Variants in DLG2 observed in about 807,000 individuals in gnomAD.
The protein encoded by DLG2 is disks large homolog 2.
DLG2 carries 45 observed loss-of-function variants against 132.5 expected under a neutral mutation model. The ratio of observed to expected loss-of-function variants is 0.34; its 90% confidence interval spans 0.27 to 0.44. DLG2 has a LOEUF of 0.44. Among genes scored for constraint, DLG2 ranks in the 20% least tolerant of loss-of-function variants. The probability of loss-of-function intolerance (pLI) is 1.00; values close to 1 mark genes in which losing one functional copy is unlikely to be tolerated. For synonymous variants in DLG2, 424 were observed against 419.6 expected, an observed-to-expected ratio of 1.01 and a Z score of -0.13; for missense variants, 1,045 against 1,196.9, an observed-to-expected ratio of 0.87 and a Z score of 1.87.
intron 6 of DLG2, among the ~76,000 whole-genome samples, chr11:85,009,910 T>C (rs7933800): frequency 0.015 from 2,215 of 152,198 alleles, 51 homozygotes; most frequent in African/African-American, 0.05. Flanking sequence ...TGTAAATGCA[T>C]CTATGCTTTG....
intron 18 of DLG2, among the ~76,000 whole-genome samples, chr11:83,734,167 G>A (rs781571439): frequency 2.6e-5 from 4 of 151,842 alleles, no homozygotes; most frequent in Admixed American, 1.3e-4. Flanking sequence ...CTCTCTATAT[G>A]TATCACATTT....
intron 3 of DLG2, among the ~76,000 whole-genome samples, chr11:85,352,818 C>A (rs764413963): frequency 2.0e-5 from 3 of 152,152 alleles, no homozygotes; most frequent in Non-Finnish European, 2.9e-5. Context: ...CTTCCTTACA[C>A]CTTGTACAAA....
At chr11:84,420,466 T>C (rs556697655) in intron 7 of DLG2, among the ~76,000 whole-genome samples, 2 of 152,124 alleles carry the variant, frequency 1.3e-5, no homozygotes, top group East Asian at 3.9e-4. Flanking sequence ...AAACAGCTGG[T>C]TCACTTTATT....
At chr11:84,591,323 T>G (rs549980158) in intron 6 of DLG2, among the ~76,000 whole-genome samples, 72 of 151,742 alleles carry the variant, frequency 4.7e-4, no homozygotes, top group South Asian at 8.3e-4. Flanking sequence ...TGTTTTTTTT[T>G]TTTTGTTTTG....
intron 7 of DLG2, among the ~76,000 whole-genome samples, chr11:84,353,681 C>T (rs1329641707): frequency 1.3e-5 from 2 of 151,982 alleles, no homozygotes; most frequent in African/African-American, 4.8e-5. Flanking sequence ...TAATGTTATC[C>T]TCAAGGTCAT....
At chr11:84,360,300 A>G (rs2098642313) in intron 7 of DLG2, among the ~76,000 whole-genome samples, 1 of 151,898 alleles carries the variant, frequency 6.6e-6, no homozygotes, top group African/African-American at 2.4e-5. Flanking sequence ...AATCAAGGGA[A>G]TAGAAAAGAA....
chr11:84,427,580 C>G (rs917038883), intron 7 of DLG2, among the ~76,000 whole-genome samples: 9 of 152,132 alleles, frequency 5.9e-5, no homozygotes, highest in Non-Finnish European at 1.5e-5. Flanking sequence ...ATAGGAAAGT[C>G]AGTCCTATGC....
intron 27 of DLG2, among the ~76,000 whole-genome samples, chr11:83,461,088 G>A (rs1328091833): frequency 1.4e-5 from 2 of 143,284 alleles, no homozygotes; most frequent in African/African-American, 5.3e-5. Context: ...GGCTCACTGC[G>A]ACCTCCACCT....
intron 7 of DLG2, among the ~76,000 whole-genome samples, chr11:84,283,134 T>C (rs2097869948): frequency 6.6e-6 from 1 of 152,226 alleles, no homozygotes; most frequent in Non-Finnish European, 1.5e-5. Flanking sequence ...GCCTACATCA[T>C]TGTAATATTG....
chr11:85,151,658 T>C (rs560812577), intron 5 of DLG2, among the ~76,000 whole-genome samples: 2 of 152,354 alleles, frequency 1.3e-5, no homozygotes, highest in African/African-American at 2.4e-5. Flanking sequence ...CTTTCCCCAG[T>C]GGTAGTCCTA....
chr11:84,229,096 G>C (rs889171157), intron 8 of DLG2, among the ~76,000 whole-genome samples: 3 of 152,106 alleles, frequency 2.0e-5, no homozygotes, highest in Non-Finnish European at 4.4e-5. Flanking sequence ...AAATAACTGA[G>C]AGACAAAATG....
At chr11:84,431,075 T>C (rs1297866070) in intron 7 of DLG2, among the ~76,000 whole-genome samples, 5 of 152,216 alleles carry the variant, frequency 3.3e-5, no homozygotes, top group Admixed American at 2.0e-4. Context: ...ACACTACTTA[T>C]GCCTGAGATA....
intron 19 of DLG2, among the ~76,000 whole-genome samples, chr11:83,589,044 G>C (rs2153276796): frequency 6.8e-6 from 1 of 146,932 alleles, no homozygotes; most frequent in South Asian, 2.3e-4. Flanking sequence ...GGGGAGAATG[G>C]AACCAAGTTG....
intron 6 of DLG2, among the ~76,000 whole-genome samples, chr11:84,782,631 T>C (rs970596623): frequency 6.6e-6 from 1 of 152,306 alleles, no homozygotes; most frequent in Non-Finnish European, 1.5e-5. Context: ...TTGCCACCTA[T>C]GAGAACTTGA....
chr11:85,331,773 T>C (rs991461198), intron 3 of DLG2, among the ~76,000 whole-genome samples: 1 of 152,180 alleles, frequency 6.6e-6, no homozygotes, highest in Non-Finnish European at 1.5e-5. Context: ...TCCAGCTGCA[T>C]ACCAGTTGCT....
At chr11:84,451,161 T>G (rs961506944) in intron 7 of DLG2, among the ~76,000 whole-genome samples, 3 of 151,908 alleles carry the variant, frequency 2.0e-5, no homozygotes, top group Non-Finnish European at 4.4e-5. Context: ...AAAATTTTCA[T>G]TTGCATGGCC....
At chr11:84,623,683 A>G (rs981815790) in intron 6 of DLG2, among the ~76,000 whole-genome samples, 2 of 152,272 alleles carry the variant, frequency 1.3e-5, no homozygotes, top group Admixed American at 1.3e-4. Flanking sequence ...TACCTCAATT[A>G]CTTGTTTTTA....
chr11:84,779,490 G>C (rs1260559501), intron 6 of DLG2, among the ~76,000 whole-genome samples: 1 of 151,914 alleles, frequency 6.6e-6, no homozygotes, highest in Non-Finnish European at 1.5e-5. Context: ...CTAAATACAA[G>C]ATCATATCAT....
intron 6 of DLG2, among the ~76,000 whole-genome samples, chr11:84,781,054 T>A (rs1300189240): frequency 1.0e-5 from 1 of 98,890 alleles, no homozygotes; most frequent in Non-Finnish European, 2.3e-5. Flanking sequence ...TCATCATAAC[T>A]TAATGTGTGT....
Sources: gnomAD v4.1 joint callset for allele counts (sites outside exome capture counted in the v4.1 genomes callset) on GRCh38, gnomAD v4.1.1 for gene constraint, MANE v1.5 for transcripts, NCBI Gene and HGNC (gene_info 2026-07-23, HGNC 2026-07-21) for gene names.